The following UBE2E2 variants were observed in gnomAD, a reference collection of about 807,000 sequenced individuals.
The protein encoded by UBE2E2 is ubiquitin conjugating enzyme E2 E2, also known as ubiquitin-conjugating enzyme E2 E2.
Under a neutral mutation model 24.7 loss-of-function variants are expected in UBE2E2, and 6 were observed. The ratio of observed to expected loss-of-function variants is 0.24; its 90% CI spans 0.13 to 0.48. The LOEUF (loss-of-function observed/expected upper bound fraction) is 0.48. Among genes scored for constraint, UBE2E2 ranks in the 20% least tolerant of loss-of-function variants. UBE2E2 has a pLI of 0.99. For missense variants in UBE2E2, 169 were observed against 245.0 expected, an observed-to-expected ratio of 0.69 and a Z score of 2.07; for synonymous variants, 104 against 83.6, an observed-to-expected ratio of 1.24 and a Z score of -1.33.
At chr3:23,380,308 C>T (rs1024582154) in intron 3 of UBE2E2, among the ~76,000 whole-genome samples, 1 of 152,180 alleles carries the variant, frequency 6.6e-6, no homozygotes, top group Non-Finnish European at 1.5e-5. Flanking sequence ...CAGCCTGGAG[C>T]TCTAGGGCTC....
At chr3:23,315,848 G>A (rs1228407360) in intron 3 of UBE2E2, among the ~76,000 whole-genome samples, 1 of 152,084 alleles carries the variant, frequency 6.6e-6, no homozygotes, top group East Asian at 1.9e-4. Flanking sequence ...CCTAAGCTTA[G>A]TAATGCTGTG....
At chr3:23,394,306 AAC>A (rs1489311103) in intron 3 of UBE2E2, among the ~76,000 whole-genome samples, 1 of 152,228 alleles carries the variant, frequency 6.6e-6, no homozygotes. Flanking sequence ...ATGTTTTATC[AAC>A]AGTGTTGAAA....
chr3:23,483,405 A>G (rs979424724), intron 3 of UBE2E2, among the ~76,000 whole-genome samples: 1 of 152,260 alleles, frequency 6.6e-6, no homozygotes, highest in Non-Finnish European at 1.5e-5. Flanking sequence ...GTATGTAAAT[A>G]TAAAATGTCT....
At chr3:23,212,973 A>C (rs945241901) in intron 2 of UBE2E2, among the ~76,000 whole-genome samples, 3 of 152,096 alleles carry the variant, frequency 2.0e-5, no homozygotes, top group African/African-American at 7.2e-5. Context: ...AAAAAATTTT[A>C]ATAATTAGTT....
chr3:23,554,943 G>T (rs184767857), intron 5 of UBE2E2, among the ~76,000 whole-genome samples: 9 of 151,034 alleles, frequency 6.0e-5, no homozygotes, highest in Non-Finnish European at 2.9e-5. Context: ...TTGAGATGGA[G>T]TATGGCTCTG....
At chr3:23,287,884 A>C (rs1698661647) in intron 3 of UBE2E2, among the ~76,000 whole-genome samples, 1 of 151,278 alleles carries the variant, frequency 6.6e-6, no homozygotes, top group South Asian at 2.1e-4. Context: ...CTAAAAACAC[A>C]CAGTTTTGTT....
intron 3 of UBE2E2, among the ~76,000 whole-genome samples, chr3:23,413,665 T>A (rs1183276337): frequency 6.6e-6 from 1 of 152,156 alleles, no homozygotes; most frequent in African/African-American, 2.4e-5. Context: ...TCCCTTACCT[T>A]CTCTGTGTTC....
At chr3:23,348,992 C>G (rs1220260390) in intron 3 of UBE2E2, among the ~76,000 whole-genome samples, 1 of 152,070 alleles carries the variant, frequency 6.6e-6, no homozygotes, top group Non-Finnish European at 1.5e-5. Flanking sequence ...CCCTGACCAC[C>G]CCCCCACCAC....
intron 5 of UBE2E2, among the ~76,000 whole-genome samples, chr3:23,534,704 A>G (rs1036138599): frequency 1.3e-5 from 2 of 152,182 alleles, no homozygotes; most frequent in Non-Finnish European, 2.9e-5. Context: ...TATCTGGTAC[A>G]CTTTCAATCT....
intron 4 of UBE2E2, among the ~76,000 whole-genome samples, 177 bp downstream of exon 4, chr3:23,499,917 C>T (rs956082452): frequency 9.2e-5 from 14 of 152,078 alleles, no homozygotes; most frequent in South Asian, 2.1e-4. Flanking sequence ...ATTCCTCCAC[C>T]CCAGCTTTTT....
intron 5 of UBE2E2, among the ~76,000 whole-genome samples, chr3:23,575,548 GA>G (rs1696329076): frequency 6.6e-6 from 1 of 151,994 alleles, no homozygotes; most frequent in African/African-American, 2.4e-5. Flanking sequence ...GAACAAACTT[GA>G]AAAAATGTTA....
chr3:23,574,278 C>G (rs1340052393), intron 5 of UBE2E2, among the ~76,000 whole-genome samples: 1 of 152,086 alleles, frequency 6.6e-6, no homozygotes, highest in Non-Finnish European at 1.5e-5. Context: ...TGGATACAAA[C>G]AGTTAGAAAG....
intron 3 of UBE2E2, among the ~76,000 whole-genome samples, chr3:23,424,548 C>T (rs1314562369): frequency 1.3e-5 from 2 of 150,952 alleles, no homozygotes. Flanking sequence ...GATTAATGAA[C>T]ATATTTTTAG....
chr3:23,354,241 A>T (rs899929974), intron 3 of UBE2E2, among the ~76,000 whole-genome samples: 2 of 152,110 alleles, frequency 1.3e-5, no homozygotes, highest in African/African-American at 4.8e-5. Context: ...TTAATTCAAG[A>T]TGGATTAAAG....
intron 4 of UBE2E2, among the ~76,000 whole-genome samples, chr3:23,506,909 C>T (rs1362689082): frequency 6.6e-6 from 1 of 152,194 alleles, no homozygotes. Flanking sequence ...GCTGGGATTA[C>T]AGGCATGAGC....
chr3:23,505,078 GT>G (rs57451477), intron 4 of UBE2E2, among the ~76,000 whole-genome samples: 124 of 139,570 alleles, frequency 8.9e-4, no homozygotes, highest in Admixed American at 2.1e-3. Flanking sequence ...GCTAATTTTT[GT>G]TTTTTTTTTT....
intron 3 of UBE2E2, among the ~76,000 whole-genome samples, chr3:23,338,837 A>G (rs939628614): frequency 6.6e-6 from 1 of 152,228 alleles, no homozygotes; most frequent in African/African-American, 2.4e-5. Flanking sequence ...TGGAATTCCA[A>G]TTAGTAAATG....
chr3:23,280,031 C>T lies in UBE2E2; in HGVS notation c.227+62719C>T, dbSNP rs1575528378. 2.0e-5 allele frequency among the ~76,000 whole-genome samples: 3 copies of T among 152,178 alleles called. No individual in the cohort carries two copies. The highest frequency in any genetic ancestry group is 1.3e-4 in the Admixed American group (2 of 15,278). ...ATAGTAGACATTGTCTCTCATTCAC[C>T]TATTAGGCCATACATTCAAATAAGC... On this transcript the variant is annotated intron_variant, in intron 3 of 5. Coordinates refer to ENST00000396703, the MANE Select transcript of UBE2E2 (RefSeq NM_152653.4). The surrounding 1 kb of genome is among the most constrained non-coding windows in gnomAD (Gnocchi z 4.3).
intron 3 of UBE2E2, among the ~76,000 whole-genome samples, chr3:23,273,264 G>A (rs1380123075): frequency 6.6e-6 from 1 of 152,218 alleles, no homozygotes; most frequent in African/African-American, 2.4e-5. Flanking sequence ...ATGGGGCCGG[G>A]CGCAGTGGCT....
Sources: allele counts gnomAD v4.1 joint callset (sites outside exome capture counted in the v4.1 genomes callset), GRCh38; gene constraint gnomAD v4.1.1; non-coding constraint Gnocchi (gnomAD v3.1); transcripts MANE v1.5; gene names NCBI Gene and HGNC (gene_info 2026-07-23, HGNC 2026-07-21).